The following PDE1C variants were observed in gnomAD, a reference collection of about 807,000 sequenced individuals.
PDE1C encodes the protein phosphodiesterase 1C, also known as dual specificity calcium/calmodulin-dependent 3',5'-cyclic nucleotide phosphodiesterase 1C.
In PDE1C, 62 loss-of-function variants were observed where a neutral mutation model predicts 93.1. The observed-to-expected ratio is 0.67, with a 90% CI of 0.54 to 0.82. The LOEUF (loss-of-function observed/expected upper bound fraction) is 0.82. PDE1C is among the 40% of genes least tolerant of loss of function. The probability of loss-of-function intolerance (pLI) is 0.00; values close to 1 mark genes in which losing one functional copy is unlikely to be tolerated. For synonymous variants in PDE1C, 325 were observed against 310.1 expected, an observed-to-expected ratio of 1.05 and a Z score of -0.50; for missense variants, 742 against 884.6, an observed-to-expected ratio of 0.84 and a Z score of 2.04.
intron 16 of PDE1C, among the ~76,000 whole-genome samples, chr7:31,802,752 A>G (rs966270546): frequency 3.3e-5 from 5 of 151,546 alleles, no homozygotes; most frequent in Non-Finnish European, 7.4e-5. Flanking sequence ...TCTTATTTGC[A>G]TTGTTCCCCA....
chr7:31,693,710 G>C, the PDE1C span, among the ~76,000 whole-genome samples: 3 of 152,168 alleles, frequency 2.0e-5, no homozygotes, highest in Admixed American at 2.0e-4. Flanking sequence ...TTTGCATCTA[G>C]ACCCACCAAG....
At chr7:32,163,681 C>A (rs1802052134) in intron 3 of PDE1C, among the ~76,000 whole-genome samples, 1 of 152,066 alleles carries the variant, frequency 6.6e-6, no homozygotes, top group Non-Finnish European at 1.5e-5. Flanking sequence ...TGTTGGGAGT[C>A]GCATGATTCA....
At chr7:32,397,158 CA>C (rs560545897) in intron 1 of PDE1C, among the ~76,000 whole-genome samples, 1 of 151,524 alleles carries the variant, frequency 6.6e-6, no homozygotes, top group Non-Finnish European at 1.5e-5. Flanking sequence ...TTTCATGTGA[CA>C]AAAAATATCA....
chr7:31,704,733 G>A, the PDE1C span, among the ~76,000 whole-genome samples: 1 of 152,174 alleles, frequency 6.6e-6, no homozygotes, highest in Non-Finnish European at 1.5e-5. Flanking sequence ...TTTTACGGGT[G>A]AATAAACTGA....
the PDE1C span, among the ~76,000 whole-genome samples, chr7:31,667,733 C>T: frequency 2.0e-5 from 3 of 151,846 alleles, no homozygotes; most frequent in Non-Finnish European, 2.9e-5. Flanking sequence ...TGTACTGGCT[C>T]ATCGAGGTAG....
chr7:32,157,379 T>A (rs1007247914), intron 3 of PDE1C, among the ~76,000 whole-genome samples: 1 of 152,162 alleles, frequency 6.6e-6, no homozygotes, highest in African/African-American at 2.4e-5. Flanking sequence ...GTGATGGACA[T>A]CCCCGTTACC....
At chr7:32,136,881 T>A (rs529585301) in intron 3 of PDE1C, among the ~76,000 whole-genome samples, 10 of 152,298 alleles carry the variant, frequency 6.6e-5, no homozygotes, top group African/African-American at 2.4e-4. Flanking sequence ...GCATGGAGAG[T>A]TCACTTGTTT....
At chr7:32,010,783 C>T (rs1248158325) in intron 2 of PDE1C, among the ~76,000 whole-genome samples, 1 of 152,162 alleles carries the variant, frequency 6.6e-6, no homozygotes, top group Non-Finnish European at 1.5e-5. Flanking sequence ...CCTGGGTCTT[C>T]ACATCAGTCT....
chr7:31,875,429 C>T (rs904447995), intron 5 of PDE1C, among the ~76,000 whole-genome samples: 2 of 152,050 alleles, frequency 1.3e-5, no homozygotes, highest in South Asian at 2.1e-4. Context: ...TCTTCAGAAC[C>T]AGTTGAGGGG....
intron 2 of PDE1C, among the ~76,000 whole-genome samples, chr7:32,181,994 A>G (rs965196179): frequency 5.9e-5 from 9 of 152,222 alleles, no homozygotes; most frequent in Non-Finnish European, 1.2e-4. Flanking sequence ...CAGAAATACA[A>G]ACTACCATCA....
At chr7:32,125,264 T>C (rs527624667) in intron 3 of PDE1C, among the ~76,000 whole-genome samples, 111 of 152,272 alleles carry the variant, frequency 7.3e-4, no homozygotes, top group African/African-American at 2.5e-3. Flanking sequence ...TTTTACACTG[T>C]TGGTGGGAAT....
intron 1 of PDE1C, among the ~76,000 whole-genome samples, chr7:32,336,678 T>G (rs746296166): frequency 2.0e-5 from 3 of 152,236 alleles, no homozygotes; most frequent in Non-Finnish European, 4.4e-5. Flanking sequence ...AGACTAGATG[T>G]ATTTTGGGAT....
At chr7:31,651,358 G>A in the PDE1C span, 4 of 1,428,994 alleles carry the variant, frequency 2.8e-6, no homozygotes, top group East Asian at 4.9e-5. Context: ...GGAGCACCCT[G>A]GAGCAGAGCT....
At chr7:32,418,964 T>C (rs116219057) in intron 1 of PDE1C, among the ~76,000 whole-genome samples, 6,311 of 152,308 alleles carry the variant, frequency 0.041, 230 homozygotes, top group South Asian at 0.12. Flanking sequence ...GCTTCTTTTT[T>C]CCCATTTTGT....
the PDE1C span, among the ~76,000 whole-genome samples, chr7:31,703,859 T>C: frequency 6.6e-5 from 10 of 152,194 alleles, no homozygotes; most frequent in African/African-American, 2.4e-4. Context: ...AGGTTCCAAC[T>C]GCGAGCACAG....
chr7:32,095,773 A>G (rs1040823663), intron 3 of PDE1C, among the ~76,000 whole-genome samples: 2 of 152,098 alleles, frequency 1.3e-5, no homozygotes, highest in South Asian at 2.1e-4. Flanking sequence ...CACATTGACT[A>G]TCCTTACGCG....
chr7:32,029,262 AGCC>A (rs1789940211), intron 2 of PDE1C, among the ~76,000 whole-genome samples: 4 of 144,038 alleles, frequency 2.8e-5, no homozygotes, highest in Admixed American at 2.1e-4. Flanking sequence ...AGTACAGTAC[AGCC>A]ATTATGGAAA....
At chr7:32,076,266 C>A (rs980978194), upstream of PDE1C, among the ~76,000 whole-genome samples, 8 of 152,042 alleles carry the variant, frequency 5.3e-5, no homozygotes, top group Non-Finnish European at 1.2e-4. Flanking sequence ...TTTCTCTTTT[C>A]TTTGAGAAAC....
chr7:31,966,445 C>G (rs1336830763), intron 2 of PDE1C, among the ~76,000 whole-genome samples: 1 of 152,104 alleles, frequency 6.6e-6, no homozygotes. Flanking sequence ...ACAGGAGCAC[C>G]CAGATTCATA....
Sources: allele counts gnomAD v4.1 joint callset (sites outside exome capture counted in the v4.1 genomes callset), GRCh38; gene constraint gnomAD v4.1.1; transcripts MANE v1.5; gene names NCBI Gene and HGNC (gene_info 2026-07-23, HGNC 2026-07-21).